PRR16: variants seen among roughly 807,000 people sequenced by gnomAD.
PRR16 encodes the protein proline rich 16.
Under a neutral mutation model 18.2 loss-of-function variants are expected in PRR16, and 6 were observed. That is an observed-to-expected ratio of 0.33 (90% confidence interval 0.18 to 0.65). The LOEUF (loss-of-function observed/expected upper bound fraction) is 0.65. Among genes scored for constraint, PRR16 ranks in the 30% least tolerant of loss-of-function variants. PRR16 has a pLI of 0.74. For missense variants in PRR16, 412 were observed against 376.6 expected, an observed-to-expected ratio of 1.09 and a Z score of -0.78; for synonymous variants, 151 against 147.8, an observed-to-expected ratio of 1.02 and a Z score of -0.16.
chr5:120,706,170 A>G, the PRR16 span, among the ~76,000 whole-genome samples: 1 of 152,176 alleles, frequency 6.6e-6, no homozygotes, highest in Non-Finnish European at 1.5e-5. Context: ...TCAGAGAGCT[A>G]CTTGAAAGAA....
chr5:120,775,541 CTGATTCTGTTCATTTCT>C, the PRR16 span, among the ~76,000 whole-genome samples: 2 of 151,966 alleles, frequency 1.3e-5, no homozygotes, highest in South Asian at 4.2e-4. Flanking sequence ...CCTGCTATTC[CTGATTCTGTTCATTTCT>C]ATTTCATTCT....
intron 1 of PRR16, among the ~76,000 whole-genome samples, chr5:120,503,775 G>T (rs1282695248): frequency 6.6e-6 from 1 of 150,712 alleles, no homozygotes; most frequent in African/African-American, 2.4e-5. Context: ...ATCTCCTAAT[G>T]CTATCCCTCC....
At chr5:120,646,914 G>A (rs1365317109) in intron 1 of PRR16, among the ~76,000 whole-genome samples, 13 of 151,904 alleles carry the variant, frequency 8.6e-5, no homozygotes, top group Non-Finnish European at 7.4e-5. Context: ...TGTTTTGTTG[G>A]ATTTTTTTCC....
At chr5:120,502,655 G>A (rs145222757) in intron 1 of PRR16, among the ~76,000 whole-genome samples, 39 of 152,166 alleles carry the variant, frequency 2.6e-4, no homozygotes, top group African/African-American at 7.5e-4. Context: ...TACTAACCTT[G>A]GGCAAATCTT....
At chr5:120,470,104 T>G (rs539933437) in intron 1 of PRR16, among the ~76,000 whole-genome samples, 1 of 152,166 alleles carries the variant, frequency 6.6e-6, no homozygotes, top group East Asian at 1.9e-4. Flanking sequence ...GCAAAACATA[T>G]TTTCCCAAAC....
At chr5:120,531,441 C>T (rs139135980) in intron 1 of PRR16, 181 of 152,202 alleles carry the variant, frequency 1.2e-3, no homozygotes, top group African/African-American at 4.1e-3. Flanking sequence ...GACCTAAATG[C>T]AGGATGGGCT....
At chr5:120,673,321 G>T (rs1756679173) in intron 1 of PRR16, among the ~76,000 whole-genome samples, 1 of 152,180 alleles carries the variant, frequency 6.6e-6, no homozygotes, top group South Asian at 2.1e-4. Flanking sequence ...ATGATTTGGG[G>T]CATTTCTACG....
At chr5:120,784,700 A>G in the PRR16 span, among the ~76,000 whole-genome samples, 1 of 152,228 alleles carries the variant, frequency 6.6e-6, no homozygotes, top group Non-Finnish European at 1.5e-5. Flanking sequence ...ATTTTTATCC[A>G]TGAAAGCTCT....
At chr5:120,762,753 C>A in the PRR16 span, among the ~76,000 whole-genome samples, 1 of 101,454 alleles carries the variant, frequency 9.9e-6, no homozygotes, top group Admixed American at 1.1e-4. Context: ...TTGACTGTTT[C>A]CTTTGTTGTG....
the PRR16 span, among the ~76,000 whole-genome samples, chr5:120,753,939 A>ACT: frequency 1.2e-4 from 1 of 8,136 alleles, no homozygotes; most frequent in East Asian, 0.071. Flanking sequence ...TATTATATAT[A>ACT]ATATATGTTA....
intron 1 of PRR16, among the ~76,000 whole-genome samples, chr5:120,649,147 A>G (rs190401598): frequency 1.3e-5 from 2 of 152,280 alleles, no homozygotes; most frequent in Non-Finnish European, 2.9e-5. Flanking sequence ...GGATTGGAAG[A>G]AGATATAACT....
At chr5:120,752,079 A>T in the PRR16 span, among the ~76,000 whole-genome samples, 1 of 152,130 alleles carries the variant, frequency 6.6e-6, no homozygotes, top group East Asian at 1.9e-4. Context: ...TAATTATATT[A>T]CATTGTCCTG....
chr5:120,528,700 A>T lies in PRR16; in HGVS notation c.159+64055A>T, dbSNP rs182593426. The stretch of plus-strand genomic sequence containing the variant: ...CCAAATCCAGAGGTGATTTATGGAA[A>T]GTTCAGTCTGAGCATGATGCAAGAC... On this transcript the variant is annotated intron_variant, in intron 1 of 1. Coordinates refer to ENST00000407149, the MANE Select transcript of PRR16 (RefSeq NM_001300783.2). Among the ~76,000 whole-genome samples, 399 of 152,220 alleles carry T rather than the reference A, an allele frequency of 2.6e-3. 1 individual carries two copies. Among genetic ancestry groups the T allele is most frequent in the African/African-American group, 9.1e-3 (377 of 41,546 alleles).
At chr5:120,466,468 T>C (rs1489618683) in intron 1 of PRR16, among the ~76,000 whole-genome samples, 4 of 152,202 alleles carry the variant, frequency 2.6e-5, no homozygotes, top group Non-Finnish European at 4.4e-5. Context: ...CTGTGAGCCA[T>C]ACTTCCTTAT....
chr5:120,702,631 C>T, the PRR16 span, among the ~76,000 whole-genome samples: 1 of 152,286 alleles, frequency 6.6e-6, no homozygotes, highest in East Asian at 1.9e-4. Context: ...GGAAGGCTGC[C>T]TTCCCAGTCC....
intron 1 of PRR16, among the ~76,000 whole-genome samples, chr5:120,517,647 T>C (rs1044814451): frequency 1.9e-4 from 29 of 152,204 alleles, no homozygotes; most frequent in African/African-American, 6.5e-4. Flanking sequence ...ACAGTTTTAT[T>C]GATTGTTCTT....
chr5:120,709,026 G>C, the PRR16 span, among the ~76,000 whole-genome samples: 1 of 74,520 alleles, frequency 1.3e-5, no homozygotes, highest in African/African-American at 6.0e-5. Flanking sequence ...TTTTTTTTTT[G>C]AGACAGAGTC....
At chr5:120,564,973 A>G (rs10477606) in intron 1 of PRR16, among the ~76,000 whole-genome samples, 48,970 of 147,540 alleles carry the variant, frequency 0.33, 8,436 homozygotes, top group African/African-American at 0.37. Flanking sequence ...GTGACAGAGC[A>G]AGACTCTGTT....
intron 1 of PRR16, among the ~76,000 whole-genome samples, chr5:120,638,284 C>T (rs1336135508): frequency 1.3e-5 from 2 of 152,094 alleles, no homozygotes; most frequent in Admixed American, 6.6e-5. Flanking sequence ...GGATGCCCAA[C>T]CTATATAGAA....
Sources: gnomAD v4.1 joint callset for allele counts (sites outside exome capture counted in the v4.1 genomes callset) on GRCh38, gnomAD v4.1.1 for gene constraint, MANE v1.5 for transcripts, NCBI Gene and HGNC (gene_info 2026-07-23, HGNC 2026-07-21) for gene names.